Variants in BLOC1S2 observed in about 807,000 individuals in gnomAD.
BLOC1S2 encodes biogenesis of lysosome-related organelles complex 1 subunit 2.
Under a neutral mutation model 19.6 loss-of-function variants are expected in BLOC1S2, and 12 were observed. The observed-to-expected ratio is 0.61, with a 90% CI of 0.39 to 0.99. The LOEUF (loss-of-function observed/expected upper bound fraction) is 0.99. Ranked by LOEUF, BLOC1S2 falls within the 50% of genes least tolerant of loss-of-function variation. The pLI, the probability that BLOC1S2 is intolerant of heterozygous loss-of-function variation, is 0.00. For synonymous variants in BLOC1S2, 66 were observed against 64.1 expected, an observed-to-expected ratio of 1.03 and a Z score of -0.14; for missense variants, 142 against 171.0, an observed-to-expected ratio of 0.83 and a Z score of 0.95.
Position 100,286,629 on chromosome 10 carries a change from T to G in BLOC1S2, c.31A>C (p.Thr11Pro), listed in dbSNP as rs141042968. MAAAAEGVLA[T>P]RSDEPARDDA... ...CCTCGGGCGGGCTCATCACTCCGGG[T>G]CGCCAGTACGCCCTCGGCTGCCGCC... Residue 11 changes from threonine (T) to proline (P), a missense_variant, in exon 1 of 5, where the codon ACC becomes CCC. Thr to Pro is a conservative substitution (Grantham distance 38). Coordinates refer to ENST00000370372, the MANE Select transcript of BLOC1S2 (RefSeq NM_173809.5). 9 of 1,611,910 alleles carry G rather than the reference T, an allele frequency of 5.6e-6. No homozygotes were observed. The highest frequency in any genetic ancestry group is 7.6e-6 in the Non-Finnish European group (9 of 1,179,050).
intron 3 of BLOC1S2, 37 bp downstream of exon 3, chr10:100,280,897 A>C (rs1278860698): frequency 6.3e-7 from 1 of 1,580,686 alleles, no homozygotes; most frequent in Admixed American, 1.8e-5. Context: ...AAGAACATTA[A>C]ATACAAACAT....
chr10:100,276,789 C>T (rs1847888968), intron 4 of BLOC1S2, among the ~76,000 whole-genome samples: 1 of 151,714 alleles, frequency 6.6e-6, no homozygotes, highest in African/African-American at 2.4e-5. Context: ...CAGACGGAGT[C>T]TCATTCACTC....
At chr10:100,278,113 G>A (rs1256568905) in intron 4 of BLOC1S2, among the ~76,000 whole-genome samples, 2 of 109,974 alleles carry the variant, frequency 1.8e-5, no homozygotes, top group Middle Eastern at 6.8e-3. Flanking sequence ...AGGTGGGGGG[G>A]CGGTCAGCGC....
At chr10:100,286,450 C>T in intron 1 of BLOC1S2, 155 bp downstream of exon 1, 1 of 1,478,782 alleles carries the variant, frequency 6.8e-7, no homozygotes, top group Non-Finnish European at 9.0e-7. Flanking sequence ...CCATCCCAGT[C>T]ACCCTGACAG....
At chr10:100,279,992 T>A in intron 4 of BLOC1S2, 132 bp downstream of exon 4, 1 of 474,250 alleles carries the variant, frequency 2.1e-6, no homozygotes, top group Non-Finnish European at 3.6e-6. Context: ...AATATAATAA[T>A]AAATTACTAA....
rs1266827099 is a variant in BLOC1S2 at position 100,274,714 on chromosome 10, CTTTAT to C, written c.*743_*747del. 5.6e-6 allele frequency: 2 copies of C among 359,012 alleles called. No individual in the cohort carries two copies. Among genetic ancestry groups the C allele is most frequent in the East Asian group, 4.0e-5 (1 of 25,144 alleles). 22.2% of individuals were successfully genotyped at this position (359,012 alleles called of 1,614,324 possible). On this transcript the variant is annotated 3_prime_UTR_variant, in exon 5 of 5. Coordinates refer to ENST00000370372, the MANE Select transcript of BLOC1S2 (RefSeq NM_173809.5). ...CAGTAGGAAGGTATTTTATAAAATCCTTTATTTTATGAGTGGCAATCGTCACCTCC... is the reference window on the plus strand; with the variant it reads ...CAGTAGGAAGGTATTTTATAAAATCCTTTATGAGTGGCAATCGTCACCTCC...
chr10:100,278,466 CT>C (rs1353433309), intron 4 of BLOC1S2, among the ~76,000 whole-genome samples: 6 of 152,164 alleles, frequency 3.9e-5, no homozygotes, highest in Non-Finnish European at 8.8e-5. Context: ...ACATGGGAGA[CT>C]TTTCATTTTG....
In BLOC1S2 at chr10:100,277,503, G is replaced by A. The variant is rs1185291072; in HGVS notation, c.398-2010C>T. Among the ~76,000 whole-genome samples the A allele has an allele frequency of 2.4e-4, 29 of 122,418 alleles. 4 individuals carry two copies. Among genetic ancestry groups the A allele is most frequent in the African/African-American group, 9.3e-4 (29 of 31,292 alleles). The allele number at this position is 122,418 out of a possible 152,430, so 80.3% of individuals were successfully genotyped here. ...GGCCAGCCGTCCCGTCCGGGAGGGA[G>A]GTGGGGGGGTCAGCCCCCCGCCTGG... On this transcript the variant is annotated intron_variant, in intron 4 of 4. Transcript: ENST00000370372.
In BLOC1S2 at chr10:100,283,863, G is replaced by A. The variant is rs1019555248; in HGVS notation, c.172+2234C>T. On this transcript the variant is annotated intron_variant, in intron 2 of 4. Coordinates refer to ENST00000370372, the MANE Select transcript of BLOC1S2 (RefSeq NM_173809.5). Reference sequence around the variant, plus strand: ...GCATTCCAGCCTGGGCAACAAAAGCGAAAACTCCGTCTAAATAAAATAAAA... The same window carrying A: ...GCATTCCAGCCTGGGCAACAAAAGCAAAAACTCCGTCTAAATAAAATAAAA... 2.6e-5 allele frequency among the ~76,000 whole-genome samples: 4 copies of A among 151,954 alleles called. 1 individual carries two copies. Among genetic ancestry groups the A allele is most frequent in the African/African-American group, 4.8e-5 (2 of 41,392 alleles).
intron 2 of BLOC1S2, among the ~76,000 whole-genome samples, chr10:100,284,098 T>C (rs1848176930): frequency 6.6e-6 from 1 of 152,206 alleles, no homozygotes. Context: ...AGAAAACCAT[T>C]TCTGTACTGC....
Position 100,286,655 on chromosome 10 carries a change from G to A in BLOC1S2, c.5C>T (p.Ala2Val), listed in dbSNP as rs922664243. 3 of 1,610,558 alleles carry A rather than the reference G, an allele frequency of 1.9e-6. No individual in the cohort carries two copies. The highest frequency in any genetic ancestry group is 1.7e-4 in the Middle Eastern group (1 of 6,032). ...CGCCAGTACGCCCTCGGCTGCCGCC[G>A]CCATAGCGGACCCCGCGCTGTTTCC... M[A>V]AAAEGVLATR... The change falls in exon 1 of 5, where the codon GCG becomes GTG. Residue 2 changes from alanine (A) to valine (V), a missense_variant. Ala to Val is a moderately conservative substitution (Grantham distance 64, BLOSUM62 0). This residue lies in a region of BLOC1S2 where 48 missense variants were observed against 29.7 expected (regional missense o/e 1.61). Coordinates refer to ENST00000370372, the MANE Select transcript of BLOC1S2 (RefSeq NM_173809.5).
chr10:100,277,659 G>C (rs1280011983), intron 4 of BLOC1S2, among the ~76,000 whole-genome samples: 2 of 142,210 alleles, frequency 1.4e-5, no homozygotes, highest in African/African-American at 5.3e-5. Context: ...GGGAGGTGGG[G>C]GGCTCAGCCC....
At chr10:100,283,870 C>T (rs1429660558) in intron 2 of BLOC1S2, among the ~76,000 whole-genome samples, 1 of 151,986 alleles carries the variant, frequency 6.6e-6, no homozygotes, top group Non-Finnish European at 1.5e-5. Flanking sequence ...AGCGAAAACT[C>T]CGTCTAAATA....
At chr10:100,278,027 C>T (rs1368209455) in intron 4 of BLOC1S2, among the ~76,000 whole-genome samples, 1 of 135,850 alleles carries the variant, frequency 7.4e-6, no homozygotes, top group Non-Finnish European at 1.6e-5. Context: ...CAGCCCCCCG[C>T]CCGGCCAGCC....
chr10:100,275,597 T>C lies in BLOC1S2; in HGVS notation c.398-104A>G, dbSNP rs528889155. 2.5e-5 allele frequency: 25 copies of C among 992,060 alleles called. No homozygotes were observed. The South Asian group carries it at 3.8e-4, about 15-fold the overall frequency. 61.5% of individuals were successfully genotyped at this position (992,060 alleles called of 1,614,324 possible). On this transcript the variant is annotated intron_variant, in intron 4 of 4. Transcript: ENST00000370372. ...GTTTAAAAAATATGTATAATATTAC[T>C]AAAAATCTATTAGCTTCAATCTCAT...
chr10:100,281,467 G>A (rs1012139191), intron 2 of BLOC1S2, among the ~76,000 whole-genome samples: 5 of 151,922 alleles, frequency 3.3e-5, no homozygotes, highest in African/African-American at 1.2e-4. Flanking sequence ...GGGTGATCAC[G>A]AGGTCAGGAG....
In BLOC1S2 at chr10:100,281,179, G is replaced by A. The variant is rs1848092803; in HGVS notation, c.173-126C>T. On this transcript the variant is annotated intron_variant, in intron 2 of 4. Transcript: ENST00000370372. ...AGTGTCAAAGGAGTGGGCCACTTTTGATCTATGACATTTATAACTCAGCCT... is the reference window on the plus strand; with the variant it reads ...AGTGTCAAAGGAGTGGGCCACTTTTAATCTATGACATTTATAACTCAGCCT... 2.8e-6 allele frequency: 3 copies of A among 1,083,696 alleles called. No homozygotes were observed. In the Admixed American group the frequency reaches 7.5e-5, roughly 27 times the overall value. 67.1% of individuals were successfully genotyped at this position (1,083,696 alleles called of 1,614,324 possible).
In BLOC1S2 at chr10:100,286,075, A is replaced by G. The variant is rs1399975696; in HGVS notation, c.172+22T>C. 3 of 1,612,282 alleles carry G rather than the reference A, an allele frequency of 1.9e-6. No homozygotes were observed. In the Admixed American group the frequency reaches 5.0e-5, roughly 27 times the overall value. Reference sequence around the variant, plus strand: ...GCCTCCTGGGCCAAACCGCACCCGAATCAACCCAGACCCCGCCTCACCCGT... The same window carrying G: ...GCCTCCTGGGCCAAACCGCACCCGAGTCAACCCAGACCCCGCCTCACCCGT... On this transcript the variant is annotated intron_variant, in intron 2 of 4. Transcript: ENST00000370372.
In BLOC1S2 at chr10:100,283,048, A is replaced by G. The variant is rs1848148695; in HGVS notation, c.173-1995T>C. ...AATGTACAAGTCACCTGAGTTCCCT[A>G]GTTACATCAACAAGCAGCCAACCCA... is the stretch of plus-strand genomic sequence containing the variant. On this transcript the variant is annotated intron_variant, in intron 2 of 4. Transcript: ENST00000370372. 2.3e-5 allele frequency: 9 copies of G among 397,870 alleles called. No individual in the cohort carries two copies. In the East Asian group the frequency reaches 2.9e-4, roughly 13 times the overall value. 24.6% of individuals were successfully genotyped at this position (397,870 alleles called of 1,614,324 possible). A position where few individuals can be genotyped will look rare whatever the true frequency, so the allele number is the denominator to read the frequency against.
Sources: allele counts gnomAD v4.1 joint callset (sites outside exome capture counted in the v4.1 genomes callset), GRCh38; gene constraint gnomAD v4.1.1; regional missense constraint gnomAD v4.1.1; transcripts MANE v1.5; gene names NCBI Gene and HGNC (gene_info 2026-07-23, HGNC 2026-07-21).